PARD3B: variants seen among roughly 807,000 people sequenced by gnomAD.
The protein encoded by PARD3B is partitioning defective 3 homolog B.
Under a neutral mutation model 130.2 loss-of-function variants are expected in PARD3B, and 103 were observed. The ratio of observed to expected loss-of-function variants is 0.79; its 90% CI spans 0.67 to 0.93. The LOEUF (loss-of-function observed/expected upper bound fraction) is 0.93. PARD3B is among the 40% of genes least tolerant of loss of function. PARD3B has a pLI of 0.00. For missense variants in PARD3B, 1,609 were observed against 1,499.2 expected (o/e 1.07, Z -1.21); for synonymous variants, 583 against 553.2 (o/e 1.05, Z -0.76).
At chr2:205,475,513 G>C (rs919377537) in intron 20 of PARD3B, among the ~76,000 whole-genome samples, 1 of 152,088 alleles carries the variant, frequency 6.6e-6, no homozygotes, top group Non-Finnish European at 1.5e-5. Flanking sequence ...AGCTTTTCTA[G>C]CCTATTGTTG....
intron 3 of PARD3B, among the ~76,000 whole-genome samples, chr2:205,024,502 C>T (rs1346081221): frequency 6.6e-6 from 1 of 151,854 alleles, no homozygotes; most frequent in Non-Finnish European, 1.5e-5. Context: ...TGCCTCATAC[C>T]TATTTAAATT....
At chr2:204,944,853 T>A (rs1689186555) in intron 2 of PARD3B, among the ~76,000 whole-genome samples, 1 of 152,196 alleles carries the variant, frequency 6.6e-6, no homozygotes, top group African/African-American at 2.4e-5. Flanking sequence ...TCTCTCCAGC[T>A]TACCTCACAG....
intron 2 of PARD3B, among the ~76,000 whole-genome samples, chr2:204,867,673 A>G (rs1378319222): frequency 6.6e-6 from 1 of 152,168 alleles, no homozygotes; most frequent in African/African-American, 2.4e-5. Context: ...TGATAACAGT[A>G]GTGAAAGAGA....
chr2:204,977,709 G>A (rs921371062), intron 3 of PARD3B, among the ~76,000 whole-genome samples: 1 of 151,830 alleles, frequency 6.6e-6, no homozygotes, highest in Admixed American at 6.6e-5. Context: ...CTACTCGGGA[G>A]GCTGAGGCAG....
rs796567936 is a variant in PARD3B at position 205,550,955 on chromosome 2, G to GTGTGTGTATATATT, written c.3181-2368_3181-2367insGTGTGTATATATTT. Reference sequence around the variant, plus strand: ...TGTGTGTGTGTGTATATATATATGTGTATATATATATATATATATATACAC... The same window carrying GTGTGTGTATATATT: ...TGTGTGTGTGTGTATATATATATGTGTGTGTGTATATATTTATATATATATATATATATATACAC... On this transcript the variant is annotated intron_variant, in intron 21 of 22. Coordinates refer to ENST00000406610, the MANE Select transcript of PARD3B (RefSeq NM_001302769.2). This position sits in a 1 kb window ranked among gnomAD's most constrained non-coding sequence, Gnocchi z 4.5. Among the ~76,000 whole-genome samples the GTGTGTGTATATATT allele has an allele frequency of 1.1e-5, 1 of 94,468 alleles. No homozygotes were observed. 62.0% of individuals were successfully genotyped at this position (94,468 alleles called of 152,430 possible).
intron 4 of PARD3B, among the ~76,000 whole-genome samples, chr2:205,097,982 A>C (rs1020672586): frequency 6.6e-6 from 1 of 152,154 alleles, no homozygotes; most frequent in African/African-American, 2.4e-5. Context: ...ATGAAGTTTG[A>C]AAATAACAGT....
intron 14 of PARD3B, among the ~76,000 whole-genome samples, chr2:205,190,370 C>T (rs1303537037): frequency 6.6e-6 from 1 of 152,218 alleles, no homozygotes; most frequent in Admixed American, 6.5e-5. Flanking sequence ...GGTCCTACAC[C>T]TCCTCCCTGG....
intron 2 of PARD3B, among the ~76,000 whole-genome samples, chr2:204,861,953 AAAT>A (rs2045225688): frequency 1.5e-5 from 2 of 132,576 alleles, no homozygotes; most frequent in Non-Finnish European, 1.7e-5. Context: ...AAAAAAAAAG[AAAT>A]GGCTGAAAGT....
chr2:205,211,823 A>C (rs957014866), intron 15 of PARD3B, among the ~76,000 whole-genome samples: 1 of 152,150 alleles, frequency 6.6e-6, no homozygotes, highest in Non-Finnish European at 1.5e-5. Flanking sequence ...TAACTGGCAT[A>C]ATCCCCAGTC....
intron 1 of PARD3B, among the ~76,000 whole-genome samples, chr2:204,657,034 C>T (rs1182560845): frequency 1.3e-5 from 2 of 152,152 alleles, no homozygotes; most frequent in Non-Finnish European, 2.9e-5. Flanking sequence ...ACTGCTGCTT[C>T]TTGGGGACCT....
At chr2:204,703,808 A>G (rs900033517) in intron 2 of PARD3B, among the ~76,000 whole-genome samples, 3 of 152,180 alleles carry the variant, frequency 2.0e-5, no homozygotes, top group Non-Finnish European at 4.4e-5. Flanking sequence ...ATGTTATTGT[A>G]TAATTTATAA....
chr2:204,790,689 T>G (rs1456502764), intron 2 of PARD3B, among the ~76,000 whole-genome samples: 3 of 152,218 alleles, frequency 2.0e-5, no homozygotes, highest in African/African-American at 7.2e-5. Context: ...GAATGAGTTT[T>G]TCCTAAAATC....
At chr2:204,929,974 T>C (rs1374923070) in intron 2 of PARD3B, among the ~76,000 whole-genome samples, 1 of 152,062 alleles carries the variant, frequency 6.6e-6, no homozygotes, top group Non-Finnish European at 1.5e-5. Flanking sequence ...TCTATTTACT[T>C]GTAGTCTAAG....
intron 3 of PARD3B, among the ~76,000 whole-genome samples, chr2:204,984,186 G>C (rs1157101275): frequency 2.6e-5 from 4 of 151,854 alleles, no homozygotes; most frequent in African/African-American, 7.3e-5. Flanking sequence ...ATTAGCAAAA[G>C]AATTAATAAA....
chr2:204,914,898 C>T (rs912851999), intron 2 of PARD3B, among the ~76,000 whole-genome samples: 1 of 152,104 alleles, frequency 6.6e-6, no homozygotes, highest in Non-Finnish European at 1.5e-5. Flanking sequence ...ATGCTCGTGG[C>T]CCTGCCCACA....
At chr2:205,140,215 T>C (rs1190385568) in intron 10 of PARD3B, among the ~76,000 whole-genome samples, 1 of 152,204 alleles carries the variant, frequency 6.6e-6, no homozygotes, top group Non-Finnish European at 1.5e-5. Flanking sequence ...TGGCTTCCGC[T>C]GGAGCTAATT....
chr2:205,456,469 AT>A (rs1416615432), intron 20 of PARD3B, among the ~76,000 whole-genome samples: 1 of 151,974 alleles, frequency 6.6e-6, no homozygotes, highest in Non-Finnish European at 1.5e-5. Flanking sequence ...CTTTCTTGAC[AT>A]TTTCCTGAAA....
At position 205,467,720 on chromosome 2, in the gene PARD3B, T is replaced by C. The variant is rs370158172; in HGVS notation, c.3044+27048T>C. Reference sequence around the variant, plus strand: ...AGACAGCATTAGAACCCCTTCAACATACTTCCAGTGGGAGCTGATGCCTCA... The same window carrying C: ...AGACAGCATTAGAACCCCTTCAACACACTTCCAGTGGGAGCTGATGCCTCA... On this transcript the variant is annotated intron_variant, in intron 20 of 22. Transcript: ENST00000406610. Among the ~76,000 whole-genome samples, 82 of 152,328 alleles carry C rather than the reference T, an allele frequency of 5.4e-4. 1 individual carries two copies. The South Asian group carries it at 0.016, about 30-fold the overall frequency.
At chr2:205,437,595 T>C (rs1033860899) in intron 19 of PARD3B, among the ~76,000 whole-genome samples, 6 of 152,164 alleles carry the variant, frequency 3.9e-5, no homozygotes, top group Non-Finnish European at 8.8e-5. Context: ...TCAAATTTAA[T>C]TTTATAGGGC....
Sources: allele counts gnomAD v4.1 joint callset (sites outside exome capture counted in the v4.1 genomes callset), GRCh38; gene constraint gnomAD v4.1.1; non-coding constraint Gnocchi (gnomAD v3.1); transcripts MANE v1.5; gene names NCBI Gene and HGNC (gene_info 2026-07-23, HGNC 2026-07-21).